Variants in PAX3 observed in about 807,000 individuals in gnomAD.
PAX3 encodes paired box 3.
Under a neutral mutation model 51.6 loss-of-function variants are expected in PAX3, and 14 were observed. The observed-to-expected ratio is 0.27, with a 90% confidence interval of 0.18 to 0.42. The LOEUF is 0.42. Ranked by LOEUF, PAX3 falls within the 10% of genes least tolerant of loss-of-function variation. The probability of loss-of-function intolerance (pLI) is 1.00; values close to 1 mark genes in which losing one functional copy is unlikely to be tolerated. For synonymous variants in PAX3, 280 were observed against 253.4 expected, an observed-to-expected ratio of 1.11 and a Z score of -1.00; for missense variants, 540 against 642.8, an observed-to-expected ratio of 0.84 and a Z score of 1.73.
intron 4 of PAX3, among the ~76,000 whole-genome samples, chr2:222,235,946 T>G (rs1458326100): frequency 6.6e-6 from 1 of 152,214 alleles, no homozygotes; most frequent in Non-Finnish European, 1.5e-5. Flanking sequence ...TAGCATAATT[T>G]CAGAAGATGT....
chr2:222,268,799 C>T (rs1694148467), intron 4 of PAX3, among the ~76,000 whole-genome samples: 1 of 152,106 alleles, frequency 6.6e-6, no homozygotes, highest in African/African-American at 2.4e-5. Flanking sequence ...CCAGATGAAA[C>T]GAGTTAAGCG....
At chr2:222,296,587 T>C (rs1346131850) in intron 2 of PAX3, among the ~76,000 whole-genome samples, 1 of 152,156 alleles carries the variant, frequency 6.6e-6, no homozygotes, top group East Asian at 1.9e-4. Context: ...AAGAAGTTCC[T>C]TACATTCGTT....
chr2:222,203,284 C>T (rs1029161396), intron 7 of PAX3, among the ~76,000 whole-genome samples: 8 of 151,620 alleles, frequency 5.3e-5, no homozygotes, highest in African/African-American at 1.9e-4. Context: ...AAAACTGCCA[C>T]ACGAGAGAGG....
intron 7 of PAX3, among the ~76,000 whole-genome samples, chr2:222,204,355 A>T (rs2106039002): frequency 6.6e-6 from 1 of 152,298 alleles, no homozygotes. Flanking sequence ...TATGTTTTCC[A>T]TCTATATGGG....
intron 7 of PAX3, among the ~76,000 whole-genome samples, chr2:222,210,106 C>T (rs979095939): frequency 3.3e-5 from 5 of 152,162 alleles, no homozygotes; most frequent in African/African-American, 7.2e-5. Flanking sequence ...TGCTTATGGT[C>T]ATAATTTGGG....
At chr2:222,256,702 T>C (rs1026303331) in intron 4 of PAX3, among the ~76,000 whole-genome samples, 53 of 152,240 alleles carry the variant, frequency 3.5e-4, no homozygotes, top group Admixed American at 1.3e-4. Flanking sequence ...TTCCTAAACA[T>C]CATAAAGTGA....
At chr2:222,233,342 G>T (rs1194431547) in intron 4 of PAX3, among the ~76,000 whole-genome samples, 1 of 152,074 alleles carries the variant, frequency 6.6e-6, no homozygotes, top group Non-Finnish European at 1.5e-5. Context: ...CAAGAGAAGC[G>T]GGAAGTGGGA....
At position 222,267,861 on chromosome 2, in the gene PAX3, G is replaced by A. The variant is rs551153590; in HGVS notation, c.586+26306C>T. On this transcript the variant is annotated intron_variant, in intron 4 of 8. Transcript: ENST00000392070. ...AAAATCATATAATTTGTGATTCGTC[G>A]TATTATATACGACTTACCCTGGGTG... Among the ~76,000 whole-genome samples, 41 of 152,212 alleles carry A rather than the reference G, an allele frequency of 2.7e-4. 1 individual carries two copies. The South Asian group carries it at 4.8e-3, about 18-fold the overall frequency.
chr2:222,297,320 ACAG>A, intron 1 of PAX3, 107 bp from the exon 2 acceptor site: 1 of 827,718 alleles, frequency 1.2e-6, no homozygotes, highest in Non-Finnish European at 2.0e-6. Flanking sequence ...TCCTCATGTT[ACAG>A]CACCGACGCT....
intron 7 of PAX3, among the ~76,000 whole-genome samples, chr2:222,215,623 A>G (rs1420216191): frequency 6.6e-6 from 1 of 152,114 alleles, no homozygotes; most frequent in South Asian, 2.1e-4. Flanking sequence ...TAATTAGAAG[A>G]ACATGGGCCA....
Position 222,294,428 on chromosome 2 carries a change from G to T in PAX3, c.452-127C>A, listed in dbSNP as rs865905014. ...AGAGCCGCTGCCCTGCACTGCTCGC[G>T]GGTGTCTCCTCCTGCATCTCTGGAC... On this transcript the variant is annotated intron_variant, in intron 3 of 8. Transcript: ENST00000392070. 1.1e-5 allele frequency: 11 copies of T among 985,308 alleles called. No individual in the cohort carries two copies. In the East Asian group the frequency reaches 2.1e-4, roughly 18 times the overall value. 61.0% of individuals were successfully genotyped at this position (985,308 alleles called of 1,614,324 possible).
intron 5 of PAX3, among the ~76,000 whole-genome samples, chr2:222,222,794 T>G (rs574572181): frequency 1.3e-5 from 2 of 152,312 alleles, no homozygotes; most frequent in South Asian, 4.1e-4. Flanking sequence ...CCTCATGGGA[T>G]TCACAGAGCA....
At position 222,271,017 on chromosome 2, in the gene PAX3, A is replaced by G. The variant is rs1474652194; in HGVS notation, c.586+23150T>C. On this transcript the variant is annotated intron_variant, in intron 4 of 8. Coordinates refer to ENST00000392070, the MANE Select transcript of PAX3 (RefSeq NM_181458.4). ...TTCAATGAGTACAAAAGGAATCAACAGATTCTAAGTAAATAATACTTTATA... is the reference window on the plus strand; with the variant it reads ...TTCAATGAGTACAAAAGGAATCAACGGATTCTAAGTAAATAATACTTTATA... 2.6e-5 allele frequency among the ~76,000 whole-genome samples: 4 copies of G among 152,256 alleles called. No homozygotes were observed. In the East Asian group the frequency reaches 5.8e-4, roughly 22 times the overall value.
intron 4 of PAX3, among the ~76,000 whole-genome samples, chr2:222,240,682 TC>T (rs1337042520): frequency 1.3e-4 from 20 of 152,324 alleles, no homozygotes; most frequent in African/African-American, 4.6e-4. Flanking sequence ...TTTAAGCAAC[TC>T]CTTTCGAAGG....
At position 222,295,533 on chromosome 2, in the gene PAX3, G is replaced by A. The variant is rs1695250162; in HGVS notation, c.446C>T (p.Pro149Leu). ...KDAVCDRNTV[P>L]SVSSISRILR... is the part of the protein sequence containing the mutation. ...GAGGTTAATGGGCCTAGTACCTGAC[G>A]GCACGGTGTTTCGATCACAGACCGC... Residue 149 changes from proline (P) to leucine (L), a missense_variant, in exon 3 of 9, where the codon CCG becomes CTG. By Grantham distance (98) the Pro-to-Leu change is moderately conservative. Transcript: ENST00000392070. The A allele has an allele frequency of 6.2e-7, 1 of 1,614,200 alleles. No homozygotes were observed.
At chr2:222,224,520 G>A (rs1233854902) in intron 5 of PAX3, among the ~76,000 whole-genome samples, 2 of 152,102 alleles carry the variant, frequency 1.3e-5, no homozygotes, top group Non-Finnish European at 2.9e-5. Flanking sequence ...TTAAGAACTG[G>A]TCTTTGCCTT....
intron 4 of PAX3, among the ~76,000 whole-genome samples, chr2:222,238,295 C>T (rs1205972637): frequency 6.6e-6 from 1 of 152,180 alleles, no homozygotes; most frequent in Non-Finnish European, 1.5e-5. Flanking sequence ...CCCTTGTGAC[C>T]TCCTCTGTAG....
At chr2:222,245,377 T>C (rs1467915303) in intron 4 of PAX3, among the ~76,000 whole-genome samples, 1 of 152,242 alleles carries the variant, frequency 6.6e-6, no homozygotes, top group Admixed American at 6.5e-5. Flanking sequence ...TCTACTGATA[T>C]GGATCTGCAC....
At chr2:222,230,639 G>A (rs991754237) in intron 5 of PAX3, among the ~76,000 whole-genome samples, 3 of 151,926 alleles carry the variant, frequency 2.0e-5, no homozygotes, top group African/African-American at 7.2e-5. Flanking sequence ...GCCAGATCAC[G>A]AGGTCAGGAG....
Sources: allele counts gnomAD v4.1 joint callset (sites outside exome capture counted in the v4.1 genomes callset), GRCh38; gene constraint gnomAD v4.1.1; transcripts MANE v1.5; gene names NCBI Gene and HGNC (gene_info 2026-07-23, HGNC 2026-07-21).